Variants in DENND1A observed in about 807,000 individuals in gnomAD.
DENND1A encodes DENN domain-containing protein 1A.
DENND1A carries 51 observed loss-of-function variants against 113.7 expected under a neutral mutation model. The ratio of observed to expected loss-of-function variants is 0.45; its 90% CI spans 0.36 to 0.57. The LOEUF (loss-of-function observed/expected upper bound fraction) is 0.57. Ranked by LOEUF, DENND1A falls within the 20% of genes least tolerant of loss-of-function variation. The pLI is 0.00. For missense variants in DENND1A, 1,258 were observed against 1,395.9 expected, an observed-to-expected ratio of 0.90 and a Z score of 1.57; for synonymous variants, 565 against 570.8, an observed-to-expected ratio of 0.99 and a Z score of 0.14.
intron 2 of DENND1A, among the ~76,000 whole-genome samples, chr9:123,831,692 G>A (rs1840241890): frequency 1.3e-5 from 2 of 152,180 alleles, no homozygotes; most frequent in Non-Finnish European, 2.9e-5. Context: ...AATAAATAGT[G>A]CTATGCCTAC....
intron 13 of DENND1A, among the ~76,000 whole-genome samples, chr9:123,553,304 C>A (rs1404719680): frequency 6.6e-6 from 1 of 151,620 alleles, no homozygotes; most frequent in Non-Finnish European, 1.5e-5. Flanking sequence ...AAGACCAGCA[C>A]TAGGAAAAGA....
At chr9:123,693,166 A>G (rs2065282937) in intron 5 of DENND1A, among the ~76,000 whole-genome samples, 1 of 152,200 alleles carries the variant, frequency 6.6e-6, no homozygotes, top group South Asian at 2.1e-4. Context: ...CCCGCAATGA[A>G]TCCATACAAC....
intron 10 of DENND1A, among the ~76,000 whole-genome samples, chr9:123,620,232 A>AAAAAAAAAG (rs1554916729): frequency 3.8e-4 from 44 of 114,398 alleles, no homozygotes; most frequent in African/African-American, 1.3e-3. Flanking sequence ...AAAAAAAAAA[A>AAAAAAAAAG]AAAAAAGAAA....
Position 123,382,087 on chromosome 9 carries a change from G to A in DENND1A, c.2558C>T (p.Ala853Val). 2 of 1,534,518 alleles carry A rather than the reference G, an allele frequency of 1.3e-6. No individual in the cohort carries two copies. The highest frequency in any genetic ancestry group is 1.8e-6 in the Non-Finnish European group (2 of 1,142,336). The change falls in exon 24 of 24, where the codon GCC becomes GTC. Residue 853 changes from alanine (A) to valine (V), a missense_variant. Transcript: ENST00000394215. ...LLALLDPLST[A>V]WSGSTLPSRP... Reference sequence around the variant, plus strand: ...TGACGGGAGGGTGCTGCCTGACCAGGCTGTGCTGAGCGGGTCCAGGAGGGC... The same window carrying A: ...TGACGGGAGGGTGCTGCCTGACCAGACTGTGCTGAGCGGGTCCAGGAGGGC...
chr9:123,789,038 C>A (rs567260186), intron 3 of DENND1A, among the ~76,000 whole-genome samples: 10 of 149,998 alleles, frequency 6.7e-5, no homozygotes, highest in Non-Finnish European at 1.2e-4. Context: ...AATATGAACT[C>A]TGAAAAACCC....
intron 13 of DENND1A, chr9:123,461,941 T>A (rs1180425644): frequency 6.6e-6 from 1 of 152,084 alleles, no homozygotes; most frequent in Non-Finnish European, 1.5e-5. Flanking sequence ...GGGGGTAAAG[T>A]GTCCACAGGA....
intron 2 of DENND1A, among the ~76,000 whole-genome samples, chr9:123,804,335 G>A (rs968105611): frequency 2.0e-5 from 3 of 152,164 alleles, no homozygotes; most frequent in South Asian, 4.1e-4. Flanking sequence ...AAATTGCCCA[G>A]TCTCGGGTAT....
intron 5 of DENND1A, among the ~76,000 whole-genome samples, chr9:123,711,486 A>AAAATATATATATATATGTATATATGT (rs1318894625): frequency 0.011 from 1,091 of 101,462 alleles, 30 homozygotes; most frequent in African/African-American, 0.014. Context: ...TAAATTAAAA[A>AAAATATATATATATATGTATATATGT]ATATATATAT....
intron 2 of DENND1A, among the ~76,000 whole-genome samples, chr9:123,833,627 G>C (rs1386972278): frequency 6.6e-6 from 1 of 152,114 alleles, no homozygotes; most frequent in Non-Finnish European, 1.5e-5. Flanking sequence ...CTCCATGTTT[G>C]ATGTAATTAT....
intron 21 of DENND1A, among the ~76,000 whole-genome samples, chr9:123,394,978 T>C (rs1015002561): frequency 5.9e-5 from 9 of 152,236 alleles, no homozygotes; most frequent in Admixed American, 1.3e-4. Flanking sequence ...GTCATTCCAC[T>C]GGCTACAGCC....
At chr9:123,573,132 A>C (rs986809750) in intron 12 of DENND1A, among the ~76,000 whole-genome samples, 13 of 151,794 alleles carry the variant, frequency 8.6e-5, no homozygotes, top group African/African-American at 2.9e-4. Context: ...CTGGACTCTT[A>C]ATTTTGTTCT....
chr9:123,717,821 T>C (rs1440064903), intron 5 of DENND1A, among the ~76,000 whole-genome samples: 2 of 152,218 alleles, frequency 1.3e-5, no homozygotes, highest in Non-Finnish European at 2.9e-5. Flanking sequence ...CTCTAATCAG[T>C]TGCTGAAATG....
At chr9:123,390,272 G>C (rs2042771663) in intron 21 of DENND1A, among the ~76,000 whole-genome samples, 1 of 152,238 alleles carries the variant, frequency 6.6e-6, no homozygotes, top group South Asian at 2.1e-4. Flanking sequence ...AAGCCAGCCT[G>C]CTGGGGGAAC....
chr9:123,889,362 T>G (rs1317754924), intron 1 of DENND1A, among the ~76,000 whole-genome samples: 1 of 152,174 alleles, frequency 6.6e-6, no homozygotes, highest in East Asian at 1.9e-4. Context: ...GATGTTAAAC[T>G]AATGTAAAGG....
chr9:123,540,944 C>A (rs942606463), intron 13 of DENND1A, among the ~76,000 whole-genome samples: 8 of 152,194 alleles, frequency 5.3e-5, no homozygotes, highest in Non-Finnish European at 8.8e-5. Context: ...TGGCTCTAGT[C>A]CGACTCTTTC....
intron 2 of DENND1A, among the ~76,000 whole-genome samples, chr9:123,835,560 TC>T (rs975793321): frequency 6.9e-4 from 105 of 151,448 alleles, no homozygotes; most frequent in East Asian, 1.2e-3. Context: ...AATCAAAGGA[TC>T]CTTCCAGAAG....
chr9:123,907,004 T>C (rs1463552613), intron 1 of DENND1A, among the ~76,000 whole-genome samples: 6 of 150,288 alleles, frequency 4.0e-5, no homozygotes, highest in Admixed American at 6.7e-5. Context: ...AAAAAGCTTA[T>C]CCACCATGAT....
At chr9:123,922,806 T>C (rs1856491483) in intron 1 of DENND1A, among the ~76,000 whole-genome samples, 1 of 152,236 alleles carries the variant, frequency 6.6e-6, no homozygotes, top group Non-Finnish European at 1.5e-5. Flanking sequence ...AAACACATTC[T>C]AAATGTCATA....
intron 13 of DENND1A, among the ~76,000 whole-genome samples, chr9:123,528,203 C>T (rs960068349): frequency 1.3e-5 from 2 of 152,086 alleles, no homozygotes; most frequent in Admixed American, 1.3e-4. Context: ...GCAAAGGAGC[C>T]GATTCCTCCA....
Sources: gnomAD v4.1 joint callset for allele counts (sites outside exome capture counted in the v4.1 genomes callset) on GRCh38, gnomAD v4.1.1 for gene constraint, MANE v1.5 for transcripts, NCBI Gene and HGNC (gene_info 2026-07-23, HGNC 2026-07-21) for gene names.